Variants in APC2 observed in about 807,000 individuals in gnomAD.
APC2 encodes APC regulator of Wnt signaling pathway 2.
A neutral mutation model predicts 72.5 loss-of-function variants in APC2; 41 were observed. The observed-to-expected ratio is 0.57, with a 90% CI of 0.44 to 0.73. The LOEUF is 0.73. APC2 is among the 30% of genes least tolerant of loss of function. The pLI is 0.00. For missense variants in APC2, 3,729 were observed against 3,403.4 expected (o/e 1.10, Z -2.38); for synonymous variants, 1,898 against 1,612.0 (o/e 1.18, Z -4.25).
Position 1,453,583 on chromosome 19 carries a change from C to T in APC2, c.385C>T (p.Arg129Trp), listed in dbSNP as rs566172381. 40 of 1,607,388 alleles carry T rather than the reference C, an allele frequency of 2.5e-5. No homozygotes were observed. The highest frequency in any genetic ancestry group is 1.6e-4 in the African/African-American group (12 of 74,996). The stretch of plus-strand genomic sequence containing the variant: ...TGGGGAGCTGAGCCGGGCCACCATC[C>T]GGCTGCTGGAGGAACTGGACCGGGA... ...SFGELSRATI[R>W]LLEELDRERC... Residue 129 changes from arginine (R) to tryptophan (W), a missense_variant, in exon 4 of 15, where the codon CGG becomes TGG. Coordinates refer to ENST00000590469, the MANE Select transcript of APC2 (RefSeq NM_005883.3).
Position 1,467,129 on chromosome 19 carries a change from C to G in APC2, c.3828C>G (p.Ser1276=). 1 of 1,587,876 alleles carries G rather than the reference C, an allele frequency of 6.3e-7. No homozygotes were observed. The highest frequency in any genetic ancestry group is 2.2e-5 in the East Asian group (1 of 44,510). The change falls in exon 15 of 15, where the codon TCC becomes TCG. Residue 1276 remains serine (S), a synonymous_variant. Transcript: ENST00000590469. The part of the protein sequence containing the change: ...EKPDENFSCA[S]SLSALALHEH... ...CAGACGAGAACTTCTCGTGCGCCTC[C>G]AGCCTCAGCGCGCTGGCCTTGCACG...
chr19:1,467,837 C>T lies in APC2; in HGVS notation c.4536C>T (p.Asn1512=). ...TEEAVYCFYG[N]DSDEEPPAAA... The stretch of plus-strand genomic sequence containing the variant: ...AGGCCGTGTACTGCTTCTACGGCAA[C>T]GACTCGGACGAGGAGCCCCCGGCGG... Residue 1512 remains asparagine, a synonymous_variant, in exon 15 of 15, where the codon AAC becomes AAT. Coordinates refer to ENST00000590469, the MANE Select transcript of APC2 (RefSeq NM_005883.3). The T allele has an allele frequency of 6.6e-7, 1 of 1,525,984 alleles. No individual in the cohort carries two copies. Among genetic ancestry groups the T allele is most frequent in the Admixed American group, 2.0e-5 (1 of 50,952 alleles). 94.5% of individuals were successfully genotyped at this position (1,525,984 alleles called of 1,614,324 possible). A position where few individuals can be genotyped will look rare whatever the true frequency, so the allele number is the denominator to read the frequency against.
chr19:1,449,303 C>T (rs1458671401), upstream of APC2, among the ~76,000 whole-genome samples: 1 of 152,196 alleles, frequency 6.6e-6, no homozygotes, highest in Non-Finnish European at 1.5e-5. Flanking sequence ...AGGGCTGCTC[C>T]GAGCTGCAGG....
chr19:1,465,497 A>T lies in APC2; in HGVS notation c.2196A>T (p.Ala732=). ...KQRALEAELD[A]RHLAQALEHL... ...GGGCGCTGGAGGCCGAGCTGGACGC[A>T]CGGCACCTCGCGCAGGCGCTGGAGC... is the stretch of plus-strand genomic sequence containing the variant. Residue 732 remains alanine (A), a synonymous_variant, in exon 15 of 15, where the codon GCA becomes GCT. Coordinates refer to ENST00000590469, the MANE Select transcript of APC2 (RefSeq NM_005883.3). 1 of 1,525,708 alleles carries T rather than the reference A, an allele frequency of 6.6e-7. No individual in the cohort carries two copies. The highest frequency in any genetic ancestry group is 1.2e-5 in the South Asian group (1 of 82,626). The allele number at this position is 1,525,708 out of a possible 1,614,324, so 94.5% of individuals were successfully genotyped here.
rs1416374774 is a variant in APC2, at chr19:1,465,638, C to T, written c.2337C>T (p.Asp779=). 2 of 1,603,342 alleles carry T rather than the reference C, an allele frequency of 1.2e-6. No homozygotes were observed. The highest frequency in any genetic ancestry group is 1.7e-5 in the Admixed American group (1 of 59,116). Residue 779 remains aspartate (D), a synonymous_variant, in exon 15 of 15, where the codon GAC becomes GAT. Coordinates refer to ENST00000590469, the MANE Select transcript of APC2 (RefSeq NM_005883.3). ...QDYASDSGCF[D]DDDAPSSLAA... is the part of the protein sequence containing the mutation. ...ATGCTTCCGATTCGGGCTGCTTTGA[C>T]GACGACGATGCACCGTCATCCCTGG...
intron 9 of APC2, 183 bp downstream of exon 9, chr19:1,457,426 G>C (rs1418397012): frequency 2.3e-6 from 2 of 855,004 alleles, no homozygotes; most frequent in Non-Finnish European, 3.4e-6. Flanking sequence ...GCCCATGATC[G>C]TACCTGGCGC....
chr19:1,469,155 G>A lies in APC2; in HGVS notation c.5854G>A (p.Gly1952Ser). 1 of 1,280,784 alleles carries A rather than the reference G, an allele frequency of 7.8e-7. No individual in the cohort carries two copies. The highest frequency in any genetic ancestry group is 3.1e-5 in the East Asian group (1 of 31,834). The allele number at this position is 1,280,784 out of a possible 1,614,324, so 79.3% of individuals were successfully genotyped here. A position where few individuals can be genotyped will look rare whatever the true frequency, so the allele number is the denominator to read the frequency against. ...GCTGGCTCGGGCAGTCCCGGAGCCG[G>A]GCCCCAGGGGCCGGGCGGGGACCGA... is the stretch of plus-strand genomic sequence containing the variant. ...PPLARAVPEP[G>S]PRGRAGTEAG... Residue 1952 changes from glycine (G) to serine (S), a missense_variant, in exon 15 of 15, where the codon GGC becomes AGC. Coordinates refer to ENST00000590469, the MANE Select transcript of APC2 (RefSeq NM_005883.3).
At chr19:1,453,194 G>C (rs377491377) in intron 2 of APC2, 52 bp downstream of exon 2, 64 of 1,566,966 alleles carry the variant, frequency 4.1e-5, no homozygotes, top group Non-Finnish European at 4.9e-5. Context: ...GGTGCCCCCC[G>C]GCAGCCCAGT....
rs2084064415 is a variant in APC2, at chr19:1,468,415, C to G, written c.5114C>G (p.Ala1705Gly). 8 of 1,590,412 alleles carry G rather than the reference C, an allele frequency of 5.0e-6. No individual in the cohort carries two copies. The highest frequency in any genetic ancestry group is 6.8e-6 in the Non-Finnish European group (8 of 1,169,310). ...SIVTWLHQAAAATREASSESD... is the reference protein window; with the variant it reads ...SIVTWLHQAAGATREASSESD... ...GTCACGTGGCTGCACCAGGCAGCAG[C>G]TGCCACGCGGGAGGCCTCGTCCGAG... Residue 1705 changes from alanine to glycine, a missense_variant, in exon 15 of 15, where the codon GCT (alanine) becomes GGT (glycine). By Grantham distance (60) the Ala-to-Gly change is moderately conservative (BLOSUM62 0). Transcript: ENST00000590469.
Position 1,466,048 on chromosome 19 carries a change from A to C in APC2, c.2747A>C (p.Lys916Thr). ...CGGGCGCACCCGCTGCTGCGGCTCA[A>C]GGCGGCCCACGCCAGCCTCTCCAAC... ...GSRAHPLLRL[K>T]AAHASLSNDS... Residue 916 changes from lysine (K) to threonine (T), a missense_variant, in exon 15 of 15, where the codon AAG (lysine) becomes ACG (threonine). Coordinates refer to ENST00000590469, the MANE Select transcript of APC2 (RefSeq NM_005883.3). The C allele has an allele frequency of 6.7e-7, 1 of 1,502,994 alleles. No individual in the cohort carries two copies. Among genetic ancestry groups the C allele is most frequent in the Non-Finnish European group, 8.8e-7 (1 of 1,137,322 alleles). 93.1% of individuals were successfully genotyped at this position (1,502,994 alleles called of 1,614,324 possible). A position where few individuals can be genotyped will look rare whatever the true frequency, so the allele number is the denominator to read the frequency against.
intron 14 of APC2, 36 bp from the exon 15 acceptor site, chr19:1,465,119 G>A (rs1312508668): frequency 6.4e-7 from 1 of 1,570,722 alleles, no homozygotes; most frequent in South Asian, 1.2e-5. Flanking sequence ...GGGGAGGGTG[G>A]GGGGTGGCCC....
In APC2 at chr19:1,465,816, G is replaced by A. The variant is rs2145232576; in HGVS notation, c.2515G>A (p.Val839Met). ...AEKDTSGEAA[V>M]AAKAKAKLAL... ...GAAGGACACCAGTGGGGAGGCAGCC[G>A]TGGCGGCCAAGGCCAAGGCCAAGCT... The change falls in exon 15 of 15, where the codon GTG becomes ATG. Residue 839 changes from valine (V) to methionine (M), a missense_variant. Val to Met is a conservative substitution (Grantham distance 21). Transcript: ENST00000590469. 2.5e-6 allele frequency: 4 copies of A among 1,581,946 alleles called. No individual in the cohort carries two copies. The highest frequency in any genetic ancestry group is 2.3e-5 in the East Asian group (1 of 44,016).
At position 1,470,358 on chromosome 19, in the gene APC2, C is replaced by G. The variant is rs1182432488; in HGVS notation, c.*145C>G. ...CCCCACCACTCTCAGAACCCCCGCC[C>G]AGCGCACGGCGACCTCGCGCCTCAC... is the stretch of plus-strand genomic sequence containing the variant. On this transcript the variant is annotated 3_prime_UTR_variant, in exon 15 of 15. Coordinates refer to ENST00000590469, the MANE Select transcript of APC2 (RefSeq NM_005883.3). 2 of 1,187,258 alleles carry G rather than the reference C, an allele frequency of 1.7e-6. No individual in the cohort carries two copies. The highest frequency in any genetic ancestry group is 2.2e-6 in the Non-Finnish European group (2 of 890,870). 73.5% of individuals were successfully genotyped at this position (1,187,258 alleles called of 1,614,324 possible). A position where few individuals can be genotyped will look rare whatever the true frequency, so the allele number is the denominator to read the frequency against.
At chr19:1,457,895 C>CGGGGTGGGGGG in intron 9 of APC2, 70 bp from the exon 10 acceptor site, 1 of 1,233,430 alleles carries the variant, frequency 8.1e-7, no homozygotes, top group Non-Finnish European at 1.1e-6. Context: ...GGGCGGGTTG[C>CGGGGTGGGGGG]GGGACCTTCG....
At position 1,470,373 on chromosome 19, in the gene APC2, T is replaced by G. The variant is rs1291179242; in HGVS notation, c.*160T>G. The G allele has an allele frequency of 9.2e-7, 1 of 1,091,714 alleles. No individual in the cohort carries two copies. The highest frequency in any genetic ancestry group is 3.3e-5 in the Admixed American group (1 of 30,652). 67.6% of individuals were successfully genotyped at this position (1,091,714 alleles called of 1,614,324 possible). On this transcript the variant is annotated 3_prime_UTR_variant, in exon 15 of 15. Transcript: ENST00000590469. The stretch of plus-strand genomic sequence containing the variant: ...AACCCCCGCCCAGCGCACGGCGACC[T>G]CGCGCCTCACCGGAAGACCTTGCCT...
chr19:1,464,527 G>A (rs2083974352), intron 14 of APC2, among the ~76,000 whole-genome samples: 2 of 151,776 alleles, frequency 1.3e-5, no homozygotes, highest in Admixed American at 6.6e-5. Context: ...CTGCACTCCA[G>A]GCTGTACGAC....
intron 12 of APC2, 42 bp from the exon 13 acceptor site, chr19:1,460,995 C>T (rs1171718367): frequency 1.9e-6 from 3 of 1,609,128 alleles, no homozygotes; most frequent in Non-Finnish European, 2.6e-6. Context: ...TTTGGGGGGC[C>T]TGGACCCTAG....
rs577179187 is a variant in APC2 at position 1,461,459 on chromosome 19, C to T, written c.1638+306C>T. 3.8e-3 allele frequency: 1,730 copies of T among 451,978 alleles called. 5 individuals carry two copies. The highest frequency in any genetic ancestry group is 5.1e-3 in the Non-Finnish European group (1,263 of 248,924). 28.0% of individuals were successfully genotyped at this position (451,978 alleles called of 1,614,324 possible). ...CAGCGGGCGCCTGTTAGTCCAGCTACTCGGGAGGCTGAGGCAGGAGAATCA... is the reference window on the plus strand; with the variant it reads ...CAGCGGGCGCCTGTTAGTCCAGCTATTCGGGAGGCTGAGGCAGGAGAATCA... On this transcript the variant is annotated intron_variant, in intron 13 of 14. Transcript: ENST00000590469.
At position 1,469,050 on chromosome 19, in the gene APC2, C is replaced by T. The variant is rs963333710; in HGVS notation, c.5749C>T (p.Leu1917=). ...GCCCAAAACGCCGGCGCGCACCCTT[C>T]TGGCGAAGCAGCACAAGACGCAGAG... ...PVPKTPARTL[L]AKQHKTQRSP... The change falls in exon 15 of 15, where the codon CTG becomes TTG. Residue 1917 remains leucine, a synonymous_variant. Transcript: ENST00000590469. 2 of 1,537,470 alleles carry T rather than the reference C, an allele frequency of 1.3e-6. No individual in the cohort carries two copies. Among genetic ancestry groups the T allele is most frequent in the East Asian group, 5.1e-5 (2 of 39,408 alleles).
Sources: gnomAD v4.1 joint callset for allele counts (sites outside exome capture counted in the v4.1 genomes callset) on GRCh38, gnomAD v4.1.1 for gene constraint, MANE v1.5 for transcripts, NCBI Gene and HGNC (gene_info 2026-07-23, HGNC 2026-07-21) for gene names.